Variants in SLC24A2 observed in about 807,000 individuals in gnomAD.
SLC24A2 encodes the protein sodium/potassium/calcium exchanger 2.
In SLC24A2, 36 loss-of-function variants were observed where a neutral mutation model predicts 62.0. That is an observed-to-expected ratio of 0.58 (90% confidence interval 0.44 to 0.77). The LOEUF is 0.77. SLC24A2 is among the 30% of genes least tolerant of loss of function. The pLI is 0.00. For synonymous variants in SLC24A2, 358 were observed against 294.0 expected, an observed-to-expected ratio of 1.22 and a Z score of -2.23; for missense variants, 846 against 817.9, an observed-to-expected ratio of 1.03 and a Z score of -0.42.
chr9:19,639,328 T>C (rs763094470), intron 2 of SLC24A2, among the ~76,000 whole-genome samples: 1 of 152,232 alleles, frequency 6.6e-6, no homozygotes, highest in Non-Finnish European at 1.5e-5. Context: ...CCTCTATCAG[T>C]AGGTAAAGTT....
the SLC24A2 span, among the ~76,000 whole-genome samples, chr9:19,894,172 T>G: frequency 6.6e-6 from 1 of 152,196 alleles, no homozygotes; most frequent in Non-Finnish European, 1.5e-5. Flanking sequence ...AGAAGGGATG[T>G]GGACTCAGGG....
chr9:19,780,402 G>A (rs986506265), intron 2 of SLC24A2, among the ~76,000 whole-genome samples: 24 of 151,150 alleles, frequency 1.6e-4, no homozygotes, highest in Non-Finnish European at 2.5e-4. Context: ...TGAGTAGCTG[G>A]GATTACAGGC....
At chr9:20,032,041 G>A in the SLC24A2 span, among the ~76,000 whole-genome samples, 1 of 152,000 alleles carries the variant, frequency 6.6e-6, no homozygotes, top group Non-Finnish European at 1.5e-5. Context: ...CTGCCCCAAG[G>A]GACTCTGACT....
the SLC24A2 span, among the ~76,000 whole-genome samples, chr9:20,026,890 C>T: frequency 6.6e-6 from 1 of 152,062 alleles, no homozygotes; most frequent in Non-Finnish European, 1.5e-5. Context: ...ACACAATTTG[C>T]AGAATGAGAG....
chr9:19,566,308 A>T (rs1157013915), intron 7 of SLC24A2, among the ~76,000 whole-genome samples: 1 of 150,280 alleles, frequency 6.7e-6, no homozygotes, highest in Non-Finnish European at 1.5e-5. Context: ...GAAGGATATG[A>T]ACAGACACTT....
the SLC24A2 span, among the ~76,000 whole-genome samples, chr9:20,231,152 T>C: frequency 6.6e-6 from 1 of 152,202 alleles, no homozygotes; most frequent in Non-Finnish European, 1.5e-5. Context: ...TAGTATACTT[T>C]GAAGTCAGGT....
Position 19,787,093 on chromosome 9 carries a change from G to C in SLC24A2, c.-153-74C>G, listed in dbSNP as rs78005010. The stretch of plus-strand genomic sequence containing the variant: ...TTTTAATAAAGATCTTTGCAGATAT[G>C]ATAAAGTCCTGTCCTGCAGCTGTGC... On this transcript the variant is annotated intron_variant, in intron 1 of 10. Transcript: ENST00000341998. The C allele has an allele frequency of 4.4e-3, 3,533 of 810,202 alleles. 103 individuals are homozygous for C. The African/African-American group carries it at 0.062, about 14-fold the overall frequency. The allele number at this position is 810,202 out of a possible 1,614,324, so 50.2% of individuals were successfully genotyped here.
chr9:20,158,108 T>C, the SLC24A2 span, among the ~76,000 whole-genome samples: 1 of 151,340 alleles, frequency 6.6e-6, no homozygotes, highest in Admixed American at 6.6e-5. Context: ...AATCAAAAAT[T>C]TAAGAACTAA....
chr9:19,584,920 A>G (rs1350026276), intron 5 of SLC24A2, among the ~76,000 whole-genome samples: 2 of 152,186 alleles, frequency 1.3e-5, no homozygotes, highest in Non-Finnish European at 2.9e-5. Context: ...AGTATTTTGT[A>G]AAGTGTCTTT....
chr9:20,238,188 T>C, the SLC24A2 span, among the ~76,000 whole-genome samples: 5 of 152,334 alleles, frequency 3.3e-5, no homozygotes, highest in African/African-American at 1.2e-4. Flanking sequence ...AGTACTTTGA[T>C]ACTTTCACGT....
intron 6 of SLC24A2, among the ~76,000 whole-genome samples, chr9:19,574,474 C>G (rs1835947509): frequency 6.6e-6 from 1 of 152,210 alleles, no homozygotes; most frequent in African/African-American, 2.4e-5. Context: ...GACTCAACCT[C>G]TCTGAAATTC....
chr9:20,238,273 G>A, the SLC24A2 span, among the ~76,000 whole-genome samples: 4 of 152,180 alleles, frequency 2.6e-5, no homozygotes, highest in East Asian at 7.7e-4. Context: ...TTAAAAAATG[G>A]GCCACAGAGA....
intron 2 of SLC24A2, among the ~76,000 whole-genome samples, chr9:19,635,836 G>T (rs933166874): frequency 6.6e-6 from 1 of 152,040 alleles, no homozygotes; most frequent in Non-Finnish European, 1.5e-5. Context: ...GCCTTTAAAC[G>T]TTTCATATGT....
the SLC24A2 span, among the ~76,000 whole-genome samples, chr9:20,236,718 T>A: frequency 6.6e-6 from 1 of 152,126 alleles, no homozygotes; most frequent in East Asian, 1.9e-4. Flanking sequence ...TTAAACACCT[T>A]CTGTTGCATA....
At chr9:20,078,492 G>A in the SLC24A2 span, among the ~76,000 whole-genome samples, 157 of 152,212 alleles carry the variant, frequency 1.0e-3, 1 homozygote, top group African/African-American at 3.4e-3. Context: ...GAACAAGATG[G>A]TCAGGTTTAT....
chr9:20,139,552 C>T, the SLC24A2 span, among the ~76,000 whole-genome samples: 3 of 152,214 alleles, frequency 2.0e-5, no homozygotes, highest in East Asian at 3.8e-4. Context: ...AAGATATAGA[C>T]ACTTTATGTG....
chr9:19,765,211 C>G (rs1486597839), intron 2 of SLC24A2, among the ~76,000 whole-genome samples: 1 of 152,000 alleles, frequency 6.6e-6, no homozygotes, highest in African/African-American at 2.4e-5. Context: ...AGATGGGTCT[C>G]CTGAATACAG....
the SLC24A2 span, among the ~76,000 whole-genome samples, chr9:20,084,336 C>T: frequency 6.6e-6 from 1 of 152,302 alleles, no homozygotes; most frequent in South Asian, 2.1e-4. Context: ...TGGTGTACAT[C>T]TCTTCCCCAC....
the SLC24A2 span, among the ~76,000 whole-genome samples, chr9:20,014,237 G>A: frequency 2.6e-5 from 4 of 152,034 alleles, no homozygotes; most frequent in Non-Finnish European, 4.4e-5. Flanking sequence ...GATAACAAGT[G>A]TTGGAGTAGA....
Sources: allele counts gnomAD v4.1 joint callset (sites outside exome capture counted in the v4.1 genomes callset), GRCh38; gene constraint gnomAD v4.1.1; transcripts MANE v1.5; gene names NCBI Gene and HGNC (gene_info 2026-07-23, HGNC 2026-07-21).